ATG10: variants seen among roughly 807,000 people sequenced by gnomAD.
The protein encoded by ATG10 is ubiquitin-like-conjugating enzyme ATG10.
Under a neutral mutation model 32.1 loss-of-function variants are expected in ATG10, and 30 were observed. That is an observed-to-expected ratio of 0.94 (90% CI 0.70 to 1.27). ATG10 has a LOEUF of 1.27. Ranked by LOEUF, ATG10 falls within the 50% of genes most tolerant of loss-of-function variation. The pLI is 0.00. For missense variants in ATG10, 233 were observed against 262.3 expected (o/e 0.89, Z 0.77); for synonymous variants, 87 against 91.5 (o/e 0.95, Z 0.28).
chr5:82,052,619 A>G (rs970259998), intron 2 of ATG10, among the ~76,000 whole-genome samples: 5 of 152,178 alleles, frequency 3.3e-5, no homozygotes, highest in Admixed American at 2.0e-4. Flanking sequence ...TAACCCTTCT[A>G]CTTTCCTTAC....
chr5:81,973,765 T>C (rs1760795295), intron 1 of ATG10, among the ~76,000 whole-genome samples: 1 of 152,172 alleles, frequency 6.6e-6, no homozygotes, highest in African/African-American at 2.4e-5. Flanking sequence ...GTTACAGAAC[T>C]TTGACCAAAA....
At chr5:82,203,770 T>A (rs1157457217) in intron 5 of ATG10, among the ~76,000 whole-genome samples, 1 of 152,168 alleles carries the variant, frequency 6.6e-6, no homozygotes, top group Non-Finnish European at 1.5e-5. Context: ...TCTGCTCCAA[T>A]CTTAAGGAAA....
chr5:82,152,597 G>T (rs992369242), intron 3 of ATG10, among the ~76,000 whole-genome samples: 3 of 152,168 alleles, frequency 2.0e-5, no homozygotes, highest in African/African-American at 7.2e-5. Context: ...GCCAGCCAAG[G>T]CCTTTTGGTG....
chr5:82,132,751 A>G (rs1766592213), intron 3 of ATG10, among the ~76,000 whole-genome samples: 1 of 151,940 alleles, frequency 6.6e-6, no homozygotes, highest in Non-Finnish European at 1.5e-5. Context: ...ATGGGTGTAT[A>G]CTCAGTAATG....
intron 5 of ATG10, among the ~76,000 whole-genome samples, chr5:82,205,827 A>G (rs554081885): frequency 3.9e-5 from 6 of 152,324 alleles, no homozygotes; most frequent in Admixed American, 3.9e-4. Flanking sequence ...TGCATGTACA[A>G]AATAGAGTCA....
chr5:82,029,293 G>C (rs997295012), intron 2 of ATG10, among the ~76,000 whole-genome samples: 2 of 150,992 alleles, frequency 1.3e-5, no homozygotes, highest in African/African-American at 4.9e-5. Flanking sequence ...AGATAGGAAT[G>C]GGGATTGAAT....
At chr5:82,036,647 A>G (rs1451391723) in intron 2 of ATG10, among the ~76,000 whole-genome samples, 1 of 152,046 alleles carries the variant, frequency 6.6e-6, no homozygotes, top group East Asian at 1.9e-4. Flanking sequence ...TATATCTGTT[A>G]ATTCTACATT....
At chr5:82,093,666 A>G (rs1764962152) in intron 3 of ATG10, among the ~76,000 whole-genome samples, 1 of 152,104 alleles carries the variant, frequency 6.6e-6, no homozygotes, top group Non-Finnish European at 1.5e-5. Context: ...CTTTGCATGT[A>G]TGGTAATTTT....
intron 3 of ATG10, among the ~76,000 whole-genome samples, chr5:82,069,904 A>G (rs578032394): frequency 6.6e-6 from 1 of 152,334 alleles, no homozygotes; most frequent in African/African-American, 2.4e-5. Flanking sequence ...GGAGACATCA[A>G]AGTGTTTTAA....
intron 2 of ATG10, among the ~76,000 whole-genome samples, chr5:82,002,566 C>G (rs1761880263): frequency 6.6e-6 from 1 of 152,138 alleles, no homozygotes; most frequent in African/African-American, 2.4e-5. Flanking sequence ...ACTACATGTT[C>G]TCACTTATAA....
At chr5:81,980,428 G>A (rs1761002342) in intron 1 of ATG10, among the ~76,000 whole-genome samples, 2 of 152,104 alleles carry the variant, frequency 1.3e-5, no homozygotes, top group African/African-American at 4.8e-5. Flanking sequence ...ACTGGTCAGA[G>A]TGACCAAGTG....
rs556668231 is a variant in ATG10, at chr5:82,028,472, A to G, written c.109-30023A>G. On this transcript the variant is annotated intron_variant, in intron 2 of 7. Transcript: ENST00000282185. Reference sequence around the variant, plus strand: ...AAAAAAGGCATAATGGCTTCACATCAAGGGTATTGTGAAGACATTGAATAG... The same window carrying G: ...AAAAAAGGCATAATGGCTTCACATCGAGGGTATTGTGAAGACATTGAATAG... 4.6e-5 allele frequency among the ~76,000 whole-genome samples: 7 copies of G among 152,324 alleles called. No individual in the cohort carries two copies. The South Asian group carries it at 1.4e-3, about 32-fold the overall frequency.
chr5:82,253,677 G>C (rs1747353560), intron 7 of ATG10, among the ~76,000 whole-genome samples: 1 of 152,178 alleles, frequency 6.6e-6, no homozygotes, highest in South Asian at 2.1e-4. Flanking sequence ...AAGCAAGCGA[G>C]CATTACCACC....
In ATG10 at chr5:82,164,398, G is replaced by A; in HGVS notation, c.217-1G>A. 6.2e-7 allele frequency: 1 copy of A among 1,611,762 alleles called. No individual in the cohort carries two copies. Among genetic ancestry groups the A allele is most frequent in the Non-Finnish European group, 8.5e-7 (1 of 1,179,390 alleles). ...TTCGTTTTGTTTTTGCTTTTTTTTAGGAGGCTTTCGAGCTACCCTTGGATG... is the reference window on the plus strand; with the variant it reads ...TTCGTTTTGTTTTTGCTTTTTTTTAAGAGGCTTTCGAGCTACCCTTGGATG... On this transcript the variant is annotated splice_acceptor_variant, in intron 3 of 7. Coordinates refer to ENST00000282185, the MANE Select transcript of ATG10 (RefSeq NM_031482.5). LOFTEE classifies it high-confidence loss of function.
chr5:82,005,648 A>G (rs1254350296), intron 2 of ATG10, among the ~76,000 whole-genome samples: 1 of 152,068 alleles, frequency 6.6e-6, no homozygotes, highest in African/African-American at 2.4e-5. Context: ...GCTTTCTAGA[A>G]ATTTTGTTTT....
At chr5:82,119,024 T>C (rs1025654894) in intron 3 of ATG10, among the ~76,000 whole-genome samples, 3 of 152,226 alleles carry the variant, frequency 2.0e-5, no homozygotes, top group African/African-American at 7.2e-5. Flanking sequence ...TTCTATCCTT[T>C]GTTTTGCCTC....
chr5:82,043,497 G>T (rs1763147318), intron 2 of ATG10, among the ~76,000 whole-genome samples: 2 of 152,206 alleles, frequency 1.3e-5, no homozygotes, highest in African/African-American at 4.8e-5. Context: ...TCTGCAGCTG[G>T]CTTGAATTCT....
intron 5 of ATG10, among the ~76,000 whole-genome samples, chr5:82,217,448 C>A (rs1182305745): frequency 1.3e-5 from 2 of 151,916 alleles, no homozygotes; most frequent in Non-Finnish European, 2.9e-5. Context: ...TATTATATTA[C>A]CTTATAATTC....
intron 2 of ATG10, among the ~76,000 whole-genome samples, chr5:82,037,883 C>T (rs1762981740): frequency 6.6e-6 from 1 of 152,110 alleles, no homozygotes; most frequent in Non-Finnish European, 1.5e-5. Context: ...ATAATGAATG[C>T]ATTATTCATT....
Sources: gnomAD v4.1 joint callset for allele counts (sites outside exome capture counted in the v4.1 genomes callset) on GRCh38, gnomAD v4.1.1 for gene constraint, MANE v1.5 for transcripts, NCBI Gene and HGNC (gene_info 2026-07-23, HGNC 2026-07-21) for gene names.